ADGRL3: variants seen among roughly 807,000 people sequenced by gnomAD.
ADGRL3 encodes calcium-independent alpha-latrotoxin receptor 3.
Under a neutral mutation model 153.5 loss-of-function variants are expected in ADGRL3, and 62 were observed. The ratio of observed to expected loss-of-function variants is 0.40; its 90% CI spans 0.33 to 0.50. ADGRL3 has a LOEUF of 0.50. ADGRL3 is among the 20% of genes least tolerant of loss of function. The pLI is 0.47. For synonymous variants in ADGRL3, 710 were observed against 672.5 expected, an observed-to-expected ratio of 1.06 and a Z score of -0.86; for missense variants, 1,641 against 1,859.4, an observed-to-expected ratio of 0.88 and a Z score of 2.16.
chr4:62,014,590 AG>A (rs746130937), intron 21 of ADGRL3, among the ~76,000 whole-genome samples: 33 of 152,298 alleles, frequency 2.2e-4, no homozygotes, highest in Admixed American at 1.4e-3. Flanking sequence ...GCAATAGAAA[AG>A]CCCCATAGAT....
chr4:61,318,210 A>AAAAAC (rs2095272962), intron 1 of ADGRL3, among the ~76,000 whole-genome samples: 1 of 136,466 alleles, frequency 7.3e-6, no homozygotes, highest in Non-Finnish European at 1.5e-5. Flanking sequence ...AAAAAAAAAA[A>AAAAAC]AAAACACAAA....
intron 5 of ADGRL3, among the ~76,000 whole-genome samples, chr4:61,649,391 C>CT (rs1284548895): frequency 6.6e-6 from 1 of 152,024 alleles, no homozygotes; most frequent in East Asian, 1.9e-4. Flanking sequence ...GGTTGTAGGT[C>CT]TTTTTTAATT....
At chr4:62,006,032 A>ATATATATATATATATATAT (rs1203029363) in intron 21 of ADGRL3, among the ~76,000 whole-genome samples, 1 of 73,090 alleles carries the variant, frequency 1.4e-5, no homozygotes, top group East Asian at 4.1e-4. Flanking sequence ...ATATATATAT[A>ATATATATATATATATATAT]TTTTTTTTTT....
intron 8 of ADGRL3, among the ~76,000 whole-genome samples, chr4:61,810,369 C>T (rs1228321257): frequency 6.6e-6 from 1 of 152,124 alleles, no homozygotes; most frequent in Non-Finnish European, 1.5e-5. Context: ...CCCAACTTCT[C>T]AAGATGTCAG....
At chr4:61,766,846 T>G (rs2096988469) in intron 8 of ADGRL3, among the ~76,000 whole-genome samples, 1 of 151,966 alleles carries the variant, frequency 6.6e-6, no homozygotes, top group African/African-American at 2.4e-5. Flanking sequence ...TATATGGGTT[T>G]GGCACCACGG....
chr4:61,614,679 A>G (rs931630007), intron 5 of ADGRL3, among the ~76,000 whole-genome samples: 7 of 152,208 alleles, frequency 4.6e-5, no homozygotes, highest in Non-Finnish European at 7.3e-5. Context: ...GTGTCTTCTT[A>G]AAAGTCACTT....
chr4:61,791,835 C>T (rs1171262306), intron 8 of ADGRL3, among the ~76,000 whole-genome samples: 1 of 152,184 alleles, frequency 6.6e-6, no homozygotes, highest in Non-Finnish European at 1.5e-5. Context: ...GGGGCTTGCA[C>T]CCTCTGAAGC....
At chr4:61,855,062 G>C (rs1471813295) in intron 9 of ADGRL3, among the ~76,000 whole-genome samples, 5 of 152,142 alleles carry the variant, frequency 3.3e-5, no homozygotes, top group African/African-American at 1.2e-4. Flanking sequence ...GTAGTATCCA[G>C]GATGGGATTC....
At position 62,056,392 on chromosome 4, in the gene ADGRL3, T is replaced by C. The variant is rs565209879; in HGVS notation, c.3815-11774T>C. The stretch of plus-strand genomic sequence containing the variant: ...TCCTTTATACCAGTTTTTTAATTCT[T>C]TGTAAAGAAAATAAAAGCCATTGGA... On this transcript the variant is annotated intron_variant, in intron 25 of 26. Coordinates refer to ENST00000683033, the MANE Select transcript of ADGRL3 (RefSeq NM_001387552.1). 2.3e-4 allele frequency among the ~76,000 whole-genome samples: 35 copies of C among 152,096 alleles called. No homozygotes were observed. The South Asian group carries it at 3.7e-3, about 16-fold the overall frequency.
chr4:62,041,525 C>T (rs917863384), intron 24 of ADGRL3, among the ~76,000 whole-genome samples: 4 of 151,890 alleles, frequency 2.6e-5, no homozygotes, highest in African/African-American at 9.7e-5. Context: ...AACATCCAAC[C>T]TAGGAAATAG....
chr4:61,823,177 A>G (rs1163927891), intron 9 of ADGRL3, among the ~76,000 whole-genome samples: 10 of 152,284 alleles, frequency 6.6e-5, no homozygotes, highest in South Asian at 6.2e-4. Context: ...GATTGCTACT[A>G]TAGGTTCCAG....
intron 8 of ADGRL3, among the ~76,000 whole-genome samples, chr4:61,802,832 T>C (rs576539850): frequency 3.5e-4 from 53 of 152,258 alleles, no homozygotes; most frequent in African/African-American, 1.3e-3. Context: ...TTGTTTTCTA[T>C]AAAGATGTCC....
At chr4:61,429,092 C>G (rs1578806928) in intron 2 of ADGRL3, among the ~76,000 whole-genome samples, 1 of 152,170 alleles carries the variant, frequency 6.6e-6, no homozygotes, top group East Asian at 1.9e-4. Context: ...AGCTTGTATT[C>G]TGTTCTCCAG....
At chr4:61,392,591 C>G (rs1340361057) in intron 2 of ADGRL3, among the ~76,000 whole-genome samples, 1 of 146,364 alleles carries the variant, frequency 6.8e-6, no homozygotes, top group Admixed American at 7.0e-5. Flanking sequence ...TAGGCTGAGG[C>G]AGGAGAATCG....
At chr4:61,273,383 T>A (rs900317444) in intron 1 of ADGRL3, among the ~76,000 whole-genome samples, 2 of 152,174 alleles carry the variant, frequency 1.3e-5, no homozygotes, top group Non-Finnish European at 2.9e-5. Context: ...TGAAGAAATT[T>A]GGTCTACTCA....
At chr4:61,678,360 A>T (rs1190387525) in intron 6 of ADGRL3, among the ~76,000 whole-genome samples, 1 of 152,008 alleles carries the variant, frequency 6.6e-6, no homozygotes, top group African/African-American at 2.4e-5. Flanking sequence ...TGAAATATAA[A>T]AGCTGAAGTA....
intron 4 of ADGRL3, among the ~76,000 whole-genome samples, chr4:61,562,944 C>CAAA (rs35146786): frequency 0.012 from 1,283 of 105,868 alleles, 23 homozygotes; most frequent in African/African-American, 0.042. Context: ...GACCCTGTCT[C>CAAA]AAAAAAAAAA....
At chr4:61,634,156 G>GTTCC (rs1032044074) in intron 5 of ADGRL3, among the ~76,000 whole-genome samples, 19 of 152,058 alleles carry the variant, frequency 1.2e-4, no homozygotes, top group African/African-American at 4.6e-4. Flanking sequence ...TCTTTTGTGT[G>GTTCC]TTCCTTTTAT....
chr4:61,817,895 C>CT (rs1203192192), intron 9 of ADGRL3, among the ~76,000 whole-genome samples: 1 of 152,080 alleles, frequency 6.6e-6, no homozygotes, highest in Non-Finnish European at 1.5e-5. Context: ...TTATTTCCCA[C>CT]TGGGTCCCTC....
Sources: gnomAD v4.1 joint callset for allele counts (sites outside exome capture counted in the v4.1 genomes callset) on GRCh38, gnomAD v4.1.1 for gene constraint, MANE v1.5 for transcripts, NCBI Gene and HGNC (gene_info 2026-07-23, HGNC 2026-07-21) for gene names.